GAS6: variants seen among roughly 807,000 people sequenced by gnomAD.
GAS6 encodes the protein growth arrest-specific protein 6.
GAS6 carries 41 observed loss-of-function variants against 75.8 expected under a neutral mutation model. That is an observed-to-expected ratio of 0.54 (90% CI 0.42 to 0.70). The LOEUF (loss-of-function observed/expected upper bound fraction) is 0.70, where lower values mean the gene tolerates loss of function less well. GAS6 is among the 30% of genes least tolerant of loss of function. The probability of loss-of-function intolerance (pLI) is 0.00; values close to 1 mark genes in which losing one functional copy is unlikely to be tolerated. For synonymous variants in GAS6, 432 were observed against 412.6 expected (o/e 1.05, Z -0.57); for missense variants, 854 against 940.2 (o/e 0.91, Z 1.20).
Position 113,832,635 on chromosome 13 carries a change from T to C in GAS6, c.952A>G (p.Arg318Gly), listed in dbSNP as rs1005804227. 9 of 1,612,622 alleles carry C rather than the reference T, an allele frequency of 5.6e-6. No homozygotes were observed. In the Admixed American group the frequency reaches 1.2e-4, roughly 21 times the overall value. The change falls in exon 9 of 15, where the codon AGG becomes GGG. Residue 318 changes from arginine to glycine, a missense_variant and splice_region_variant. Arg to Gly is a moderately radical substitution (Grantham distance 125). Transcript: ENST00000327773. ...RLRFKRLQPT[R>G]LVAEFDFRTF... ...TGCCTCCTGTGGACACCTCCTCACCTGGTGGGCTGCAGCCTCTTGAAGCGC... is the reference window on the plus strand; with the variant it reads ...TGCCTCCTGTGGACACCTCCTCACCCGGTGGGCTGCAGCCTCTTGAAGCGC...
chr13:113,828,507 G>C (rs763799386), intron 11 of GAS6, 40 bp downstream of exon 11: 13 of 1,582,758 alleles, frequency 8.2e-6, no homozygotes, highest in Non-Finnish European at 1.1e-5. Flanking sequence ...CGGGATCCCA[G>C]CACACGGCGC....
Position 113,820,658 on chromosome 13 carries a change from G to A in GAS6, c.*206C>T, listed in dbSNP as rs550324457. The stretch of plus-strand genomic sequence containing the variant: ...TTTCTTCGAGCCCGCTCTGCGCTGC[G>A]CCGGCCTCCCCGCGCCCGGGCCCAC... On this transcript the variant is annotated 3_prime_UTR_variant, in exon 15 of 15. Transcript: ENST00000327773. 183 of 581,536 alleles carry A rather than the reference G, an allele frequency of 3.1e-4. No individual in the cohort carries two copies. The highest frequency in any genetic ancestry group is 2.6e-3 in the Admixed American group (88 of 33,462). The allele number at this position is 581,536 out of a possible 1,614,324, so 36.0% of individuals were successfully genotyped here. A position where few individuals can be genotyped will look rare whatever the true frequency, so the allele number is the denominator to read the frequency against.
intron 4 of GAS6, chr13:113,843,138 G>A (rs758645131): frequency 2.0e-4 from 62 of 316,312 alleles, no homozygotes; most frequent in Non-Finnish European, 2.7e-4. Context: ...GCAGGCCCCC[G>A]AGGGCACCCA....
At position 113,820,684 on chromosome 13, in the gene GAS6, G is replaced by T. The variant is rs920345028; in HGVS notation, c.*180C>A. The T allele has an allele frequency of 2.8e-6, 2 of 710,714 alleles. No homozygotes were observed. Among genetic ancestry groups the T allele is most frequent in the Admixed American group, 3.0e-5 (1 of 33,810 alleles). 44.0% of individuals were successfully genotyped at this position (710,714 alleles called of 1,614,324 possible). A position where few individuals can be genotyped will look rare whatever the true frequency, so the allele number is the denominator to read the frequency against. ...CCGGCCTCCCCGCGCCCGGGCCCAC[G>T]GCTGAGTGCGCGGCGTCAGAGGCCC... On this transcript the variant is annotated 3_prime_UTR_variant, in exon 15 of 15. Coordinates refer to ENST00000327773, the MANE Select transcript of GAS6 (RefSeq NM_000820.4).
chr13:113,851,454 G>C (rs1232370295), intron 2 of GAS6, among the ~76,000 whole-genome samples: 2 of 151,440 alleles, frequency 1.3e-5, no homozygotes, highest in Non-Finnish European at 2.9e-5. Context: ...TGAATGAATG[G>C]GTGAATGAGA....
chr13:113,835,274 G>A (rs928879641), intron 7 of GAS6, among the ~76,000 whole-genome samples: 1 of 152,262 alleles, frequency 6.6e-6, no homozygotes, highest in Non-Finnish European at 1.5e-5. Flanking sequence ...TGTACATGCG[G>A]TGTATATGCA....
At chr13:113,829,071 A>C (rs796566214) in intron 10 of GAS6, among the ~76,000 whole-genome samples, 7 of 57,788 alleles carry the variant, frequency 1.2e-4, no homozygotes, top group African/African-American at 1.8e-4. Flanking sequence ...CATGATCCTC[A>C]CCTGGGCCAA....
At chr13:113,824,428 G>T (rs78802382) in intron 12 of GAS6, among the ~76,000 whole-genome samples, 1 of 148,482 alleles carries the variant, frequency 6.7e-6, no homozygotes, top group South Asian at 2.1e-4. Context: ...GCGGTCTGGG[G>T]TCTGAGCTGT....
chr13:113,825,568 C>T (rs951555947), intron 12 of GAS6, among the ~76,000 whole-genome samples: 3 of 152,142 alleles, frequency 2.0e-5, no homozygotes, highest in East Asian at 1.9e-4. Context: ...CAGACGCGGC[C>T]GGCAGTCACT....
At chr13:113,830,195 G>A (rs1159987273) in intron 10 of GAS6, among the ~76,000 whole-genome samples, 1 of 152,214 alleles carries the variant, frequency 6.6e-6, no homozygotes, top group Non-Finnish European at 1.5e-5. Context: ...TTTGAACTGA[G>A]TCACAAAAAC....
chr13:113,834,818 T>G, intron 7 of GAS6, 146 bp from the exon 8 acceptor site: 1 of 811,010 alleles, frequency 1.2e-6, no homozygotes, highest in Non-Finnish European at 1.7e-6. Flanking sequence ...GGGGGTCGCG[T>G]CCCCCCCCAC....
intron 4 of GAS6, chr13:113,841,257 A>C (rs982282359): frequency 1.6e-4 from 24 of 152,588 alleles, no homozygotes; most frequent in African/African-American, 5.5e-4. Context: ...GCTTACAGTC[A>C]CTGCCTGTGG....
intron 2 of GAS6, among the ~76,000 whole-genome samples, chr13:113,861,433 G>A (rs963932640): frequency 3.9e-5 from 6 of 152,224 alleles, no homozygotes; most frequent in African/African-American, 1.4e-4. Context: ...CACCTCTTGA[G>A]CTCAGGCCAC....
intron 14 of GAS6, 103 bp from the exon 15 acceptor site, chr13:113,821,121 C>T: frequency 1.6e-6 from 2 of 1,258,090 alleles, no homozygotes; most frequent in Non-Finnish European, 1.1e-6. Flanking sequence ...CGGGTTCCCT[C>T]CGAAAGGGCA....
intron 10 of GAS6, among the ~76,000 whole-genome samples, chr13:113,831,032 G>A (rs528131361): frequency 1.3e-5 from 2 of 152,376 alleles, no homozygotes; most frequent in Non-Finnish European, 2.9e-5. Context: ...AGGGCAAGAC[G>A]TGCTTTCCAC....
rs374982313 is a variant in GAS6, at chr13:113,823,393, C to T, written c.1635G>A (p.Thr545=). ...GCCCTACCTGCTTCTTGAGTTTCTT[C>T]GTGGAGTGATAGTCTACCAGTGCCA... ...LSVALVDYHS[T]KKLKKQLVVL... is the part of the protein sequence containing the mutation. The change falls in exon 13 of 15, where the codon ACG becomes ACA. Residue 545 remains threonine, a synonymous_variant. Coordinates refer to ENST00000327773, the MANE Select transcript of GAS6 (RefSeq NM_000820.4). 8.5e-5 allele frequency: 137 copies of T among 1,611,244 alleles called. No individual in the cohort carries two copies. The highest frequency in any genetic ancestry group is 9.0e-5 in the Non-Finnish European group (106 of 1,179,070).
chr13:113,823,776 C>G (rs989911219), intron 12 of GAS6, among the ~76,000 whole-genome samples: 21 of 152,366 alleles, frequency 1.4e-4, no homozygotes, highest in African/African-American at 5.0e-4. Context: ...CACCAGTACC[C>G]CACTTCCAAA....
At chr13:113,849,254 G>A (rs780523569) in intron 2 of GAS6, among the ~76,000 whole-genome samples, 7 of 152,140 alleles carry the variant, frequency 4.6e-5, no homozygotes, top group Non-Finnish European at 8.8e-5. Context: ...TCTGTTGGGA[G>A]GGCGGCCGCC....
In GAS6 at chr13:113,841,828, CCA is replaced by C. The variant is rs146318628; in HGVS notation, c.344-1980_344-1979del. On this transcript the variant is annotated intron_variant, in intron 4 of 14. Transcript: ENST00000327773. ...CGCCCCACAGTTTCCTCCATACGCC[CCA>C]CAGTTTCTTCCATACGCCCCACAGT... The C allele has an allele frequency of 9.7e-4, 47 of 48,632 alleles. 10 individuals carry two copies. Among genetic ancestry groups the C allele is most frequent in the East Asian group, 3.0e-3 (5 of 1,672 alleles). The allele number at this position is 48,632 out of a possible 1,614,324, so 3.0% of individuals were successfully genotyped here. A position where few individuals can be genotyped will look rare whatever the true frequency, so the allele number is the denominator to read the frequency against.
Sources: gnomAD v4.1 joint callset for allele counts (sites outside exome capture counted in the v4.1 genomes callset) on GRCh38, gnomAD v4.1.1 for gene constraint, MANE v1.5 for transcripts, NCBI Gene and HGNC (gene_info 2026-07-23, HGNC 2026-07-21) for gene names.